CTDP1: variants seen among roughly 807,000 people sequenced by gnomAD.
The protein encoded by CTDP1 is CTD phosphatase 1.
CTDP1 carries 47 observed loss-of-function variants against 91.8 expected under a neutral mutation model. The ratio of observed to expected loss-of-function variants is 0.51; its 90% CI spans 0.41 to 0.65. The LOEUF (loss-of-function observed/expected upper bound fraction) is 0.65, where lower values mean the gene tolerates loss of function less well. Among genes scored for constraint, CTDP1 ranks in the 30% least tolerant of loss-of-function variants. The pLI is 0.00. For synonymous variants in CTDP1, 656 were observed against 598.5 expected (o/e 1.10, Z -1.40); for missense variants, 1,272 against 1,373.7 (o/e 0.93, Z 1.17).
intron 12 of CTDP1, 71 bp from the exon 13 acceptor site, chr18:79,753,581 T>C: frequency 6.2e-7 from 1 of 1,612,526 alleles, no homozygotes; most frequent in Middle Eastern, 1.7e-4. Context: ...ACTTCCCAAA[T>C]GCAGACCAGG....
intron 1 of CTDP1, among the ~76,000 whole-genome samples, chr18:79,693,996 C>T (rs1032785911): frequency 1.3e-5 from 2 of 152,248 alleles, no homozygotes; most frequent in Non-Finnish European, 2.9e-5. Context: ...CTTGTTTCCG[C>T]CTGTGGCCTG....
At chr18:79,727,255 G>C (rs1049758395) in intron 10 of CTDP1, among the ~76,000 whole-genome samples, 1 of 152,240 alleles carries the variant, frequency 6.6e-6, no homozygotes, top group African/African-American at 2.4e-5. Context: ...TTGGCCCTTT[G>C]AACAACACTG....
At chr18:79,690,139 A>G (rs2085589544) in intron 1 of CTDP1, among the ~76,000 whole-genome samples, 1 of 152,158 alleles carries the variant, frequency 6.6e-6, no homozygotes, top group Non-Finnish European at 1.5e-5. Context: ...AAGACCCTGG[A>G]GCCCTCCTGA....
rs111933470 is a variant in CTDP1 at position 79,691,398 on chromosome 18, C to T, written c.315-3827C>T. On this transcript the variant is annotated intron_variant, in intron 1 of 12. Coordinates refer to ENST00000613122, the MANE Select transcript of CTDP1 (RefSeq NM_004715.5). The stretch of plus-strand genomic sequence containing the variant: ...ACCAGCCCTTCCTTGGAGCAGGAGG[C>T]CCCCGTCCTTTGTGGCAGCCTAGTG... Among the ~76,000 whole-genome samples the T allele has an allele frequency of 5.3e-3, 799 of 151,110 alleles. 15 individuals carry two copies. Among genetic ancestry groups the T allele is most frequent in the African/African-American group, 0.018 (742 of 40,458 alleles).
At position 79,714,978 on chromosome 18, in the gene CTDP1, G is replaced by T. The variant is rs1162637975; in HGVS notation, c.1518G>T (p.Gly506=). 6.4e-7 allele frequency: 1 copy of T among 1,571,738 alleles called. No homozygotes were observed. The highest frequency in any genetic ancestry group is 8.6e-7 in the Non-Finnish European group (1 of 1,159,390). ...ALAQGSSLEP[G]RPAAPSLPGE... ...CACAGGGCAGTTCCCTGGAGCCGGGGCGGCCTGCAGCACCGAGTCTCCCCG... is the reference window on the plus strand; with the variant it reads ...CACAGGGCAGTTCCCTGGAGCCGGGTCGGCCTGCAGCACCGAGTCTCCCCG... Residue 506 remains glycine, a synonymous_variant, in exon 8 of 13, where the codon GGG becomes GGT. Coordinates refer to ENST00000613122, the MANE Select transcript of CTDP1 (RefSeq NM_004715.5).
intron 11 of CTDP1, 171 bp from the exon 12 acceptor site, chr18:79,736,184 T>G: frequency 3.8e-6 from 3 of 788,582 alleles, no homozygotes; most frequent in Non-Finnish European, 6.2e-6. Flanking sequence ...GCCCGGGGCT[T>G]TGTTAAGGAT....
chr18:79,686,152 G>C (rs2085489431), intron 1 of CTDP1, among the ~76,000 whole-genome samples: 1 of 152,184 alleles, frequency 6.6e-6, no homozygotes, highest in Non-Finnish European at 1.5e-5. Context: ...TAATCTTTTA[G>C]ATAAAGGACT....
intron 12 of CTDP1, among the ~76,000 whole-genome samples, chr18:79,753,192 C>T (rs1568224993): frequency 6.6e-6 from 1 of 152,202 alleles, no homozygotes; most frequent in Non-Finnish European, 1.5e-5. Context: ...GGCTGGTGTT[C>T]TCTTTGTTTA....
chr18:79,738,003 C>T (rs1464515510), intron 12 of CTDP1, among the ~76,000 whole-genome samples: 1 of 143,884 alleles, frequency 7.0e-6, no homozygotes, highest in Non-Finnish European at 1.5e-5. Context: ...CTCCCCCGGC[C>T]TCCCCCGCAG....
chr18:79,679,929 C>A lies in CTDP1; in HGVS notation c.-19C>A. The A allele has an allele frequency of 7.2e-7, 1 of 1,380,834 alleles. No homozygotes were observed. The allele number at this position is 1,380,834 out of a possible 1,614,324, so 85.5% of individuals were successfully genotyped here. On this transcript the variant is annotated 5_prime_UTR_variant, in exon 1 of 13. Coordinates refer to ENST00000613122, the MANE Select transcript of CTDP1 (RefSeq NM_004715.5). ...CAGCGCAGGCCCCGTACCGACCGCCCGCCCGCCCTCTGTCCGCGATGGAGG... is the reference window on the plus strand; with the variant it reads ...CAGCGCAGGCCCCGTACCGACCGCCAGCCCGCCCTCTGTCCGCGATGGAGG...
intron 3 of CTDP1, 21 bp from the exon 4 acceptor site, chr18:79,697,839 C>T (rs781332192): frequency 6.2e-7 from 1 of 1,614,098 alleles, no homozygotes; most frequent in Non-Finnish European, 8.5e-7. Flanking sequence ...TTTGTCATTT[C>T]TTGTTTCTTT....
At chr18:79,682,764 C>T (rs2085401539) in intron 1 of CTDP1, among the ~76,000 whole-genome samples, 1 of 152,112 alleles carries the variant, frequency 6.6e-6, no homozygotes. Flanking sequence ...TCCTGCAGCC[C>T]GTCCCCCGTG....
chr18:79,685,376 C>T (rs2085473637), intron 1 of CTDP1: 1 of 151,960 alleles, frequency 6.6e-6, no homozygotes. Flanking sequence ...TTTAAATCGC[C>T]ACAGAAAGGG....
At chr18:79,685,544 G>A (rs1042080154) in intron 1 of CTDP1, 1 of 152,188 alleles carries the variant, frequency 6.6e-6, no homozygotes, top group Non-Finnish European at 1.5e-5. Context: ...GTGTGAGAGT[G>A]CCACAGAGAA....
rs1020854179 is a variant in CTDP1, at chr18:79,736,151, C to T, written c.2581-204C>T. The T allele has an allele frequency of 4.6e-6, 3 of 652,110 alleles. No homozygotes were observed. In the East Asian group the frequency reaches 8.3e-5, roughly 18 times the overall value. The allele number at this position is 652,110 out of a possible 1,614,324, so 40.4% of individuals were successfully genotyped here. A position where few individuals can be genotyped will look rare whatever the true frequency, so the allele number is the denominator to read the frequency against. ...TGCCTGCGAACCGACTGGGTTTGCT[C>T]TGTGGATTTCCAAGCGTCTTTTGCC... On this transcript the variant is annotated intron_variant, in intron 11 of 12. Coordinates refer to ENST00000613122, the MANE Select transcript of CTDP1 (RefSeq NM_004715.5).
chr18:79,750,607 C>T (rs1371814880), intron 12 of CTDP1, among the ~76,000 whole-genome samples: 1 of 151,308 alleles, frequency 6.6e-6, no homozygotes, highest in Non-Finnish European at 1.5e-5. Context: ...AATTCTCGTG[C>T]CCCGGCTTCC....
chr18:79,742,207 A>T (rs1479591908), intron 12 of CTDP1, among the ~76,000 whole-genome samples: 1 of 138,530 alleles, frequency 7.2e-6, no homozygotes, highest in African/African-American at 2.8e-5. Flanking sequence ...AGAGAGAGAG[A>T]GGCCTGGCAC....
chr18:79,727,873 G>A (rs2086482828), intron 10 of CTDP1, among the ~76,000 whole-genome samples: 1 of 152,088 alleles, frequency 6.6e-6, no homozygotes, highest in Non-Finnish European at 1.5e-5. Flanking sequence ...CCCTTTCCCA[G>A]AGGCTTGCCT....
chr18:79,712,847 C>A, intron 6 of CTDP1, 125 bp from the exon 7 acceptor site: 3 of 1,009,592 alleles, frequency 3.0e-6, no homozygotes, highest in Non-Finnish European at 3.0e-6. Flanking sequence ...GGTTGGTGTC[C>A]GTCTGATTAA....
Sources: gnomAD v4.1 joint callset for allele counts (sites outside exome capture counted in the v4.1 genomes callset) on GRCh38, gnomAD v4.1.1 for gene constraint, MANE v1.5 for transcripts, NCBI Gene and HGNC (gene_info 2026-07-23, HGNC 2026-07-21) for gene names.